ADCY8: variants seen among roughly 807,000 people sequenced by gnomAD.
ADCY8 encodes adenylate cyclase type 8.
ADCY8 carries 51 observed loss-of-function variants against 119.7 expected under a neutral mutation model. That is an observed-to-expected ratio of 0.43 (90% CI 0.34 to 0.54). The LOEUF (loss-of-function observed/expected upper bound fraction) is 0.54. Ranked by LOEUF, ADCY8 falls within the 20% of genes least tolerant of loss-of-function variation. The probability of loss-of-function intolerance (pLI) is 0.03; values close to 1 mark genes in which losing one functional copy is unlikely to be tolerated. For missense variants in ADCY8, 1,383 were observed against 1,598.8 expected, an observed-to-expected ratio of 0.87 and a Z score of 2.30; for synonymous variants, 665 against 651.0, an observed-to-expected ratio of 1.02 and a Z score of -0.33.
At chr8:131,013,844 A>G (rs1178331992) in intron 1 of ADCY8, among the ~76,000 whole-genome samples, 2 of 152,124 alleles carry the variant, frequency 1.3e-5, no homozygotes, top group Non-Finnish European at 2.9e-5. Context: ...AAGTTGGAAC[A>G]TTTTCCCAAG....
intron 5 of ADCY8, among the ~76,000 whole-genome samples, chr8:130,935,062 A>T (rs1056857760): frequency 3.9e-5 from 6 of 152,228 alleles, no homozygotes; most frequent in African/African-American, 1.4e-4. Context: ...TTTTCTTGAG[A>T]TATGATAAAG....
intron 5 of ADCY8, 73 bp from the exon 6 acceptor site, chr8:130,909,939 T>G: frequency 7.6e-7 from 1 of 1,319,724 alleles, no homozygotes; most frequent in Non-Finnish European, 1.0e-6. Flanking sequence ...CACTTTCTTT[T>G]CTTTTTTTTT....
Position 130,780,638 on chromosome 8 carries a change from G to T in ADCY8, c.3508C>A (p.Leu1170Ile), listed in dbSNP as rs753241810. ...EQEGKIKTYF[L>I]LGRVQPNPFI... ...GGGTTGGGTTGGACTCTTCCCAGAA[G>T]AAAGTACGTTTTGATTTTTCCTTCC... The change falls in exon 18 of 18, where the codon CTT (leucine) becomes ATT (isoleucine). Residue 1170 changes from leucine to isoleucine, a missense_variant. Leu to Ile is a conservative substitution (Grantham distance 5). This residue lies in a region of ADCY8 where 928 missense variants were observed against 1,163.5 expected (regional missense o/e 0.80). Coordinates refer to ENST00000286355, the MANE Select transcript of ADCY8 (RefSeq NM_001115.3). 1.2e-6 allele frequency: 2 copies of T among 1,614,094 alleles called. No individual in the cohort carries two copies. The highest frequency in any genetic ancestry group is 1.7e-6 in the Non-Finnish European group (2 of 1,180,034).
chr8:130,922,172 C>T (rs1179931236), intron 5 of ADCY8, among the ~76,000 whole-genome samples: 2 of 151,212 alleles, frequency 1.3e-5, no homozygotes, highest in African/African-American at 4.9e-5. Context: ...CCTTGGACTT[C>T]TCAGCCTCTA....
intron 7 of ADCY8, among the ~76,000 whole-genome samples, chr8:130,893,829 T>C (rs1563716941): frequency 0.013 from 1,901 of 151,562 alleles, 42 homozygotes; most frequent in African/African-American, 0.044. Flanking sequence ...TGTGTGTTTG[T>C]GGGTGTGCAT....
At chr8:130,930,540 C>T (rs940803140) in intron 5 of ADCY8, among the ~76,000 whole-genome samples, 5 of 152,044 alleles carry the variant, frequency 3.3e-5, no homozygotes, top group East Asian at 1.9e-4. Flanking sequence ...TGTGAGCCAC[C>T]GCGCCCAGCC....
chr8:130,829,811 A>G (rs1816774695), intron 12 of ADCY8, among the ~76,000 whole-genome samples: 1 of 152,230 alleles, frequency 6.6e-6, no homozygotes. Context: ...CTTATCCTAA[A>G]AGGAATGTTA....
At position 130,855,245 on chromosome 8, in the gene ADCY8, C is replaced by T. The variant is rs574269943; in HGVS notation, c.2211-5442G>A. 2.5e-3 allele frequency among the ~76,000 whole-genome samples: 377 copies of T among 151,934 alleles called. 1 individual carries two copies. The highest frequency in any genetic ancestry group is 8.7e-3 in the African/African-American group (360 of 41,436). ...ACAGAAGAAATGCGAGTGAAAAGCACCCACCATCTGTTTAGTTTCAAAGCA... is the reference window on the plus strand; with the variant it reads ...ACAGAAGAAATGCGAGTGAAAAGCATCCACCATCTGTTTAGTTTCAAAGCA... On this transcript the variant is annotated intron_variant, in intron 9 of 17. Coordinates refer to ENST00000286355, the MANE Select transcript of ADCY8 (RefSeq NM_001115.3).
At chr8:130,887,172 T>G (rs748928568) in intron 7 of ADCY8, among the ~76,000 whole-genome samples, 5 of 152,158 alleles carry the variant, frequency 3.3e-5, no homozygotes, top group Non-Finnish European at 7.4e-5. Flanking sequence ...GAATAGACAT[T>G]GCTTCCTGGT....
chr8:130,947,810 C>G (rs1723068727), intron 3 of ADCY8, among the ~76,000 whole-genome samples: 1 of 152,070 alleles, frequency 6.6e-6, no homozygotes, highest in Admixed American at 6.5e-5. Flanking sequence ...TTGGCAGGGC[C>G]AATAGGAAAT....
intron 2 of ADCY8, among the ~76,000 whole-genome samples, chr8:130,989,525 G>C (rs1466697601): frequency 1.3e-5 from 2 of 152,012 alleles, no homozygotes; most frequent in Non-Finnish European, 2.9e-5. Context: ...GTTAAAAAAA[G>C]GTCTAGGATT....
chr8:130,814,707 G>T (rs1177185009), intron 13 of ADCY8, among the ~76,000 whole-genome samples: 2 of 152,140 alleles, frequency 1.3e-5, no homozygotes, highest in Non-Finnish European at 2.9e-5. Flanking sequence ...CTTGTGCAGG[G>T]GAGCTCCCAT....
At chr8:130,972,460 C>T (rs539119998) in intron 2 of ADCY8, among the ~76,000 whole-genome samples, 3 of 152,196 alleles carry the variant, frequency 2.0e-5, no homozygotes, top group Admixed American at 6.5e-5. Flanking sequence ...GATTCATTTG[C>T]TTTGTAAGGA....
At chr8:130,975,400 G>T (rs1212956297) in intron 2 of ADCY8, among the ~76,000 whole-genome samples, 3 of 152,166 alleles carry the variant, frequency 2.0e-5, no homozygotes, top group Non-Finnish European at 4.4e-5. Flanking sequence ...GTGCTGCTGG[G>T]AGTTAAATAT....
At chr8:130,820,853 G>A (rs377352977) in intron 13 of ADCY8, among the ~76,000 whole-genome samples, 6 of 152,174 alleles carry the variant, frequency 3.9e-5, no homozygotes, top group Admixed American at 3.9e-4. Flanking sequence ...AATCTGCAAC[G>A]CTTCCTCAAG....
intron 2 of ADCY8, among the ~76,000 whole-genome samples, chr8:130,960,457 G>T (rs62518145): frequency 0.78 from 119,195 of 151,910 alleles, 50,149 homozygotes; most frequent in East Asian, 0.95. Context: ...TATTTATCCT[G>T]GGAATATCAT....
chr8:130,843,224 C>T (rs2130287071), intron 11 of ADCY8, among the ~76,000 whole-genome samples: 1 of 152,308 alleles, frequency 6.6e-6, no homozygotes, highest in Middle Eastern at 3.4e-3. Context: ...CTCTAACCTA[C>T]TACCCCATGA....
chr8:131,028,466 C>T lies in ADCY8; in HGVS notation c.960+10908G>A, dbSNP rs891988012. On this transcript the variant is annotated intron_variant, in intron 1 of 17. Coordinates refer to ENST00000286355, the MANE Select transcript of ADCY8 (RefSeq NM_001115.3). ...CTCCAATAGGCTGGGAAGGCTCACCCGATGAATGAGGGTGTGGGAGATTTG... is the reference window on the plus strand; with the variant it reads ...CTCCAATAGGCTGGGAAGGCTCACCTGATGAATGAGGGTGTGGGAGATTTG... Among the ~76,000 whole-genome samples, 5 of 152,106 alleles carry T rather than the reference C, an allele frequency of 3.3e-5. No individual in the cohort carries two copies. In the East Asian group the frequency reaches 5.8e-4, roughly 18 times the overall value.
intron 9 of ADCY8, among the ~76,000 whole-genome samples, chr8:130,863,252 T>C (rs1818003335): frequency 6.6e-6 from 1 of 152,174 alleles, no homozygotes; most frequent in Non-Finnish European, 1.5e-5. Context: ...TTTTCCTTGT[T>C]CTGAGTCTAT....
Sources: gnomAD v4.1 joint callset for allele counts (sites outside exome capture counted in the v4.1 genomes callset) on GRCh38, gnomAD v4.1.1 for gene constraint, gnomAD v4.1.1 regional missense constraint, MANE v1.5 for transcripts, NCBI Gene and HGNC (gene_info 2026-07-23, HGNC 2026-07-21) for gene names.